CRAMP1: variants seen among roughly 807,000 people sequenced by gnomAD.
The protein encoded by CRAMP1 is cramped chromatin regulator 1, also known as protein cramped-like.
Under a neutral mutation model 115.4 loss-of-function variants are expected in CRAMP1, and 50 were observed. The observed-to-expected ratio is 0.43, with a 90% CI of 0.35 to 0.55. The LOEUF (loss-of-function observed/expected upper bound fraction) is 0.55. Among genes scored for constraint, CRAMP1 ranks in the 20% least tolerant of loss-of-function variants. The pLI is 0.01. For synonymous variants in CRAMP1, 866 were observed against 745.4 expected, an observed-to-expected ratio of 1.16 and a Z score of -2.64; for missense variants, 1,679 against 1,721.7, an observed-to-expected ratio of 0.98 and a Z score of 0.44.
rs1386992172 is a variant in CRAMP1, at chr16:1,614,940, G to A, written c.301G>A (p.Ala101Thr). The A allele has an allele frequency of 7.9e-7, 1 of 1,272,056 alleles. No individual in the cohort carries two copies. The highest frequency in any genetic ancestry group is 9.9e-7 in the Non-Finnish European group (1 of 1,011,522). 78.8% of individuals were successfully genotyped at this position (1,272,056 alleles called of 1,614,324 possible). A position where few individuals can be genotyped will look rare whatever the true frequency, so the allele number is the denominator to read the frequency against. ...GAGGCCCAGGAAGGATCCTCCGAGC[G>A]CTGTGGGGAGCGGCAACGCCGGTGG... ...SKRPRKDPPS[A>T]VGSGNAGGSG... The change falls in exon 2 of 21, where the codon GCT becomes ACT. Residue 101 changes from alanine (A) to threonine (T), a missense_variant. Around this residue, in one of 8 missense-constraint regions of CRAMP1, gnomAD observed 264 missense variants for 229.7 expected, o/e 1.15. Coordinates refer to ENST00000397412, the MANE Select transcript of CRAMP1 (RefSeq NM_020825.4). This position sits in a 1 kb window ranked among gnomAD's most constrained non-coding sequence, Gnocchi z 4.4.
At chr16:1,625,555 C>T (rs1387339242) in intron 2 of CRAMP1, 2 of 156,522 alleles carry the variant, frequency 1.3e-5, no homozygotes, top group African/African-American at 2.4e-5. Flanking sequence ...GTTTGAATCT[C>T]AACCTACTTA....
At chr16:1,653,012 C>A (rs780870667) in intron 7 of CRAMP1, 21 bp from the exon 8 acceptor site, 1 of 1,613,310 alleles carries the variant, frequency 6.2e-7, no homozygotes, top group African/African-American at 1.3e-5. Context: ...ACTAAACTTT[C>A]ATGGTTCTTC....
At chr16:1,645,686 G>A (rs1383003624) in intron 6 of CRAMP1, among the ~76,000 whole-genome samples, 3 of 151,978 alleles carry the variant, frequency 2.0e-5, no homozygotes, top group Non-Finnish European at 2.9e-5. Context: ...CTGTCACTTC[G>A]TAGTGCCCCC....
At position 1,655,209 on chromosome 16, in the gene CRAMP1, G is replaced by T. The variant is rs764073364; in HGVS notation, c.1038-10G>T. 7 of 1,611,992 alleles carry T rather than the reference G, an allele frequency of 4.3e-6. No individual in the cohort carries two copies. Among genetic ancestry groups the T allele is most frequent in the South Asian group, 1.1e-5 (1 of 91,048 alleles). ...CGAACCTCACTTCCTCCTGTCTGTC[G>T]TCTCCGTAGGATGATCGTGGAGCTA... On this transcript the variant is annotated splice_polypyrimidine_tract_variant and intron_variant, in intron 8 of 20. Transcript: ENST00000397412.
chr16:1,654,669 C>T (rs1374743082), intron 8 of CRAMP1, among the ~76,000 whole-genome samples: 1 of 152,180 alleles, frequency 6.6e-6, no homozygotes, highest in African/African-American at 2.4e-5. Flanking sequence ...CTCACCCTCC[C>T]ACGGCCGCCG....
At chr16:1,665,189 G>A in intron 14 of CRAMP1, 51 bp downstream of exon 14, 4 of 1,209,768 alleles carry the variant, frequency 3.3e-6, no homozygotes, top group Non-Finnish European at 3.7e-6. Context: ...CCTCACAGGA[G>A]GGCCTTGGCT....
intron 7 of CRAMP1, 151 bp from the exon 8 acceptor site, chr16:1,652,882 T>G: frequency 1.0e-6 from 1 of 961,178 alleles, no homozygotes; most frequent in East Asian, 2.6e-5. Flanking sequence ...ACATTGGAGT[T>G]TCTTCTTCGC....
In CRAMP1 at chr16:1,667,950, G is replaced by A. The variant is rs753541085; in HGVS notation, c.3103-12G>A. The A allele has an allele frequency of 2.6e-5, 41 of 1,559,266 alleles. No individual in the cohort carries two copies. Among genetic ancestry groups the A allele is most frequent in the Non-Finnish European group, 3.4e-5 (39 of 1,140,370 alleles). ...ACCTGGTTGTGTCTGAAAAATACCT[G>A]TCTCCCAGCAGGGCTCATCTGTTCT... On this transcript the variant is annotated splice_polypyrimidine_tract_variant and intron_variant, in intron 17 of 20. Coordinates refer to ENST00000397412, the MANE Select transcript of CRAMP1 (RefSeq NM_020825.4).
chr16:1,661,393 G>C (rs1248345407), intron 11 of CRAMP1, among the ~76,000 whole-genome samples: 1 of 82,728 alleles, frequency 1.2e-5, no homozygotes, highest in Non-Finnish European at 2.4e-5. Flanking sequence ...GAGGGGGCCG[G>C]GTGAGGGGTC....
At chr16:1,622,942 G>C (rs1236461679) in intron 2 of CRAMP1, among the ~76,000 whole-genome samples, 1 of 152,048 alleles carries the variant, frequency 6.6e-6, no homozygotes, top group East Asian at 1.9e-4. Flanking sequence ...TGTATATTTA[G>C]TAGAGACAGG....
At chr16:1,617,016 G>A (rs2036426335) in intron 2 of CRAMP1, among the ~76,000 whole-genome samples, 1 of 151,634 alleles carries the variant, frequency 6.6e-6, no homozygotes, top group South Asian at 2.1e-4. Flanking sequence ...AGTTGAGACG[G>A]GGTTTCACCG....
intron 5 of CRAMP1, among the ~76,000 whole-genome samples, chr16:1,640,060 C>G (rs1368356769): frequency 1.3e-5 from 2 of 152,190 alleles, no homozygotes; most frequent in Non-Finnish European, 2.9e-5. Context: ...GCAACCGGTT[C>G]CTTTCTTGGT....
chr16:1,640,143 G>A (rs2036620284), intron 5 of CRAMP1, among the ~76,000 whole-genome samples: 1 of 152,146 alleles, frequency 6.6e-6, no homozygotes, highest in South Asian at 2.1e-4. Context: ...ATCTGGCTTT[G>A]TTTCCTTTCT....
Position 1,637,833 on chromosome 16 carries a change from G to C in CRAMP1, c.704G>C (p.Arg235Pro). 1 of 1,540,880 alleles carries C rather than the reference G, an allele frequency of 6.5e-7. No homozygotes were observed. Among genetic ancestry groups the C allele is most frequent in the Non-Finnish European group, 8.7e-7 (1 of 1,144,512 alleles). The part of the protein sequence containing the change: ...KYIDFDHVFS[R>P]GLKKSSQELY... ...CTCTTCTGTTTCTCAGTGTTCTCTC[G>C]AGGCCTGAAGAAGTCATCCCAGGAA... Residue 235 changes from arginine to proline, a missense_variant, in exon 5 of 21, where the codon CGA becomes CCA. Physicochemically the swap from Arg to Pro is moderately radical, Grantham distance 103. Coordinates refer to ENST00000397412, the MANE Select transcript of CRAMP1 (RefSeq NM_020825.4).
In CRAMP1 at chr16:1,666,192, G is replaced by T; in HGVS notation, c.2857+15G>T. ...TCACCTGGCCAGTAAGTCTGTACCT[G>T]CATGGCCACAGCCACTGAGTGAGCC... On this transcript the variant is annotated intron_variant, in intron 15 of 20. Coordinates refer to ENST00000397412, the MANE Select transcript of CRAMP1 (RefSeq NM_020825.4). The surrounding 1 kb of genome is among the most constrained non-coding windows in gnomAD (Gnocchi z 5.0). 1 of 1,550,506 alleles carries T rather than the reference G, an allele frequency of 6.4e-7. No homozygotes were observed. Among genetic ancestry groups the T allele is most frequent in the African/African-American group, 1.4e-5 (1 of 73,698 alleles).
chr16:1,634,202 C>T (rs2036568687), intron 4 of CRAMP1, among the ~76,000 whole-genome samples: 1 of 152,102 alleles, frequency 6.6e-6, no homozygotes, highest in African/African-American at 2.4e-5. Flanking sequence ...GTCTAGTGTG[C>T]TTTGCTTGAA....
At chr16:1,627,068 A>G (rs1010254961) in intron 3 of CRAMP1, among the ~76,000 whole-genome samples, 9 of 151,958 alleles carry the variant, frequency 5.9e-5, no homozygotes, top group African/African-American at 2.2e-4. Context: ...TGTGGTGAAC[A>G]TCGGTGTGCA....
chr16:1,662,365 T>C, intron 11 of CRAMP1, 125 bp from the exon 12 acceptor site: 3 of 737,714 alleles, frequency 4.1e-6, no homozygotes, highest in Admixed American at 2.3e-5. Context: ...GGTGTCTCCT[T>C]TCAAGGCAGC....
At chr16:1,645,593 T>C (rs894237463) in intron 6 of CRAMP1, among the ~76,000 whole-genome samples, 13 of 152,172 alleles carry the variant, frequency 8.5e-5, no homozygotes, top group Non-Finnish European at 7.4e-5. Flanking sequence ...TTCTGTGGTT[T>C]TGGACAGATG....
Sources: gnomAD v4.1 joint callset for allele counts (sites outside exome capture counted in the v4.1 genomes callset) on GRCh38, gnomAD v4.1.1 for gene constraint, gnomAD v4.1.1 regional missense constraint, Gnocchi (gnomAD v3.1) non-coding constraint, MANE v1.5 for transcripts, NCBI Gene and HGNC (gene_info 2026-07-23, HGNC 2026-07-21) for gene names.